Variants in SYNC observed in about 807,000 individuals in gnomAD.
SYNC encodes syncoilin.
A neutral mutation model predicts 49.5 loss-of-function variants in SYNC; 38 were observed. The ratio of observed to expected loss-of-function variants is 0.77; its 90% confidence interval spans 0.59 to 1.01. The LOEUF is 1.01. SYNC is among the 50% of genes least tolerant of loss of function. The probability of loss-of-function intolerance (pLI) is 0.00; values close to 1 mark genes in which losing one functional copy is unlikely to be tolerated. For missense variants in SYNC, 579 were observed against 580.6 expected, an observed-to-expected ratio of 1.00 and a Z score of 0.03; for synonymous variants, 201 against 230.8, an observed-to-expected ratio of 0.87 and a Z score of 1.17.
At chr1:32,691,416 G>A (rs1650159165) in intron 2 of SYNC, among the ~76,000 whole-genome samples, 1 of 151,642 alleles carries the variant, frequency 6.6e-6, no homozygotes, top group South Asian at 2.1e-4. Context: ...CCACGTCCAT[G>A]GTGTTAGGCG....
Position 32,695,788 on chromosome 1 carries a change from C to G in SYNC, c.310G>C (p.Glu104Gln), listed in dbSNP as rs887315806. 1.0e-5 allele frequency: 16 copies of G among 1,551,642 alleles called. No individual in the cohort carries two copies. The highest frequency in any genetic ancestry group is 1.3e-5 in the Non-Finnish European group (15 of 1,147,026). Reference sequence around the variant, plus strand: ...GTTTCCTCCACACACACTGTCTCCTCTGGATTCCCAGGCTCCTCCACATGC... The same window carrying G: ...GTTTCCTCCACACACACTGTCTCCTGTGGATTCCCAGGCTCCTCCACATGC... ...ALHVEEPGNPEETVCVEETTE... is the reference protein window; with the variant it reads ...ALHVEEPGNPQETVCVEETTE... Residue 104 changes from glutamate (E) to glutamine (Q), a missense_variant, in exon 2 of 5, where the codon GAG becomes CAG. Coordinates refer to ENST00000409190, the MANE Select transcript of SYNC (RefSeq NM_030786.3).
rs367968995 is a variant in SYNC at position 32,702,535 on chromosome 1, G to C, written c.53+73C>G. Reference sequence around the variant, plus strand: ...AGACAGGCGAAAGACGCCCGCGGTCGGGGGGAAAGGGAACCCGTCCAGCAG... The same window carrying C: ...AGACAGGCGAAAGACGCCCGCGGTCCGGGGGAAAGGGAACCCGTCCAGCAG... On this transcript the variant is annotated intron_variant, in intron 1 of 4. Coordinates refer to ENST00000409190, the MANE Select transcript of SYNC (RefSeq NM_030786.3). The surrounding 1 kb of genome is among the most constrained non-coding windows in gnomAD (Gnocchi z 6.2). The C allele has an allele frequency of 3.4e-6, 4 of 1,191,286 alleles. No homozygotes were observed. In the East Asian group the frequency reaches 1.0e-4, roughly 30 times the overall value. 73.8% of individuals were successfully genotyped at this position (1,191,286 alleles called of 1,614,324 possible).
At chr1:32,681,956 G>A in intron 4 of SYNC, 96 bp from the exon 5 acceptor site, 1 of 1,084,180 alleles carries the variant, frequency 9.2e-7, no homozygotes, top group Admixed American at 1.9e-5. Context: ...GTGATTTATG[G>A]ATGATCAGGG....
At chr1:32,682,023 G>GTGA in intron 4 of SYNC, 163 bp from the exon 5 acceptor site, 1 of 623,978 alleles carries the variant, frequency 1.6e-6, no homozygotes, top group Non-Finnish European at 2.9e-6. Flanking sequence ...AGAATGAATG[G>GTGA]TGATGGTGAT....
At chr1:32,692,433 G>A (rs1242705600) in intron 2 of SYNC, among the ~76,000 whole-genome samples, 1 of 152,104 alleles carries the variant, frequency 6.6e-6, no homozygotes, top group African/African-American at 2.4e-5. Context: ...TAGGGTAAGG[G>A]GAATATGAAG....
At chr1:32,694,248 A>G (rs1328570564) in intron 2 of SYNC, among the ~76,000 whole-genome samples, 1 of 152,024 alleles carries the variant, frequency 6.6e-6, no homozygotes, top group East Asian at 1.9e-4. Context: ...GGTCCCAGCT[A>G]CTCAAGAGGC....
In SYNC at chr1:32,694,653, C is replaced by CAAA. The variant is rs112953442; in HGVS notation, c.1233+209_1233+211dup. ...TGGGCGACAGAGCGAGACTCCATCTCAAAAAAAAAAAAACAAAAAACAGTG... is the reference window on the plus strand; with the variant it reads ...TGGGCGACAGAGCGAGACTCCATCTCAAAAAAAAAAAAAAAACAAAAAACAGTG... On this transcript the variant is annotated intron_variant, in intron 2 of 4. Transcript: ENST00000409190. Among the ~76,000 whole-genome samples the CAAA allele has an allele frequency of 2.5e-3, 299 of 118,852 alleles. 2 individuals carry two copies. Among genetic ancestry groups the CAAA allele is most frequent in the African/African-American group, 8.7e-3 (283 of 32,588 alleles). The allele number at this position is 118,852 out of a possible 152,430, so 78.0% of individuals were successfully genotyped here.
At chr1:32,688,568 A>G (rs186829147) in intron 2 of SYNC, among the ~76,000 whole-genome samples, 5 of 152,290 alleles carry the variant, frequency 3.3e-5, no homozygotes, top group African/African-American at 1.2e-4. Context: ...GATTTTACGA[A>G]ATACATTCAT....
At chr1:32,682,093 G>T (rs746467732) in intron 4 of SYNC, 17 of 510,202 alleles carry the variant, frequency 3.3e-5, no homozygotes, top group Non-Finnish European at 4.5e-5. Context: ...TAATTACAAT[G>T]CCTGAAATTC....
chr1:32,698,875 G>A (rs1004387541), intron 1 of SYNC, among the ~76,000 whole-genome samples: 7 of 149,904 alleles, frequency 4.7e-5, no homozygotes, highest in Non-Finnish European at 7.4e-5. Context: ...CAACCTCCCC[G>A]GCTCAAGCCA....
At position 32,695,764 on chromosome 1, in the gene SYNC, T is replaced by C. The variant is rs1367860883; in HGVS notation, c.334A>G (p.Thr112Ala). ...AACTGTATCCGATCTGGCTCCGTGG[T>C]TTCCTCCACACACACTGTCTCCTCT... ...NPEETVCVEE[T>A]TEPDRIQFVE... The change falls in exon 2 of 5, where the codon ACC becomes GCC. Residue 112 changes from threonine (T) to alanine (A), a missense_variant. Physicochemically the swap from Thr to Ala is moderately conservative, Grantham distance 58. Coordinates refer to ENST00000409190, the MANE Select transcript of SYNC (RefSeq NM_030786.3). 6.4e-7 allele frequency: 1 copy of C among 1,551,592 alleles called. No individual in the cohort carries two copies. The highest frequency in any genetic ancestry group is 2.0e-5 in the Admixed American group (1 of 50,952).
In SYNC at chr1:32,680,593, G is replaced by C; in HGVS notation, c.*1257C>G. 6.8e-7 allele frequency: 1 copy of C among 1,469,408 alleles called. No homozygotes were observed. The highest frequency in any genetic ancestry group is 9.3e-7 in the Non-Finnish European group (1 of 1,077,032). 91.0% of individuals were successfully genotyped at this position (1,469,408 alleles called of 1,614,324 possible). On this transcript the variant is annotated 3_prime_UTR_variant, in exon 5 of 5. Coordinates refer to ENST00000409190, the MANE Select transcript of SYNC (RefSeq NM_030786.3). ...GGTGACCTGTTTCACCAGCAGGCCT[G>C]TTACTCTCCATGACTAACTGTGTAA...
intron 2 of SYNC, among the ~76,000 whole-genome samples, chr1:32,692,336 ATGTC>A (rs1650206503): frequency 1.3e-5 from 2 of 152,246 alleles, no homozygotes; most frequent in African/African-American, 4.8e-5. Context: ...TATTAATGTA[ATGTC>A]TGTCTGAGTA....
Position 32,702,007 on chromosome 1 carries a change from C to G in SYNC, c.53+601G>C, listed in dbSNP as rs1321626364. ...CACCTCTTGGTACACTGGGAAGTCC[C>G]AGAGCCACAGTATGACCTGGGACAG... On this transcript the variant is annotated intron_variant, in intron 1 of 4. Coordinates refer to ENST00000409190, the MANE Select transcript of SYNC (RefSeq NM_030786.3). The surrounding 1 kb of genome is among the most constrained non-coding windows in gnomAD (Gnocchi z 6.2). Among the ~76,000 whole-genome samples the G allele has an allele frequency of 6.6e-6, 1 of 152,198 alleles. No individual in the cohort carries two copies. Among genetic ancestry groups the G allele is most frequent in the Non-Finnish European group, 1.5e-5 (1 of 68,042 alleles).
Position 32,684,005 on chromosome 1 carries a change from A to G in SYNC, c.1438+5T>C, listed in dbSNP as rs1186729578. On this transcript the variant is annotated splice_donor_5th_base_variant and intron_variant, in intron 4 of 4. Coordinates refer to ENST00000409190, the MANE Select transcript of SYNC (RefSeq NM_030786.3). ...AAACACCACTCTTCTCTTCACAAAG[A>G]TCACCTTGAGACTGTGTCTCCATTC... The G allele has an allele frequency of 6.2e-7, 1 of 1,613,478 alleles. No homozygotes were observed. Among genetic ancestry groups the G allele is most frequent in the Non-Finnish European group, 8.5e-7 (1 of 1,179,564 alleles).
intron 2 of SYNC, among the ~76,000 whole-genome samples, chr1:32,689,939 CAAAA>C (rs11320062): frequency 1.2e-4 from 12 of 100,624 alleles, no homozygotes; most frequent in African/African-American, 3.9e-4. Context: ...GACACCGTCA[CAAAA>C]AAAAAAAAAA....
intron 2 of SYNC, among the ~76,000 whole-genome samples, chr1:32,689,935 G>C (rs1281312658): frequency 3.1e-5 from 2 of 65,054 alleles, no homozygotes; most frequent in African/African-American, 8.5e-5. Context: ...GTGAGACACC[G>C]TCACAAAAAA....
intron 2 of SYNC, among the ~76,000 whole-genome samples, chr1:32,689,235 C>CTTGTTTTTTTTTT (rs1650041724): frequency 2.4e-5 from 1 of 41,520 alleles, no homozygotes; most frequent in African/African-American, 6.8e-5. Flanking sequence ...CTCGCCTGGC[C>CTTGTTTTTTTTTT]TTTTTTTTTT....
intron 2 of SYNC, among the ~76,000 whole-genome samples, chr1:32,689,922 A>G (rs1650076000): frequency 7.0e-6 from 1 of 142,876 alleles, no homozygotes; most frequent in Non-Finnish European, 1.5e-5. Flanking sequence ...GCCTAGCAAC[A>G]GAGTGAGACA....
Sources: gnomAD v4.1 joint callset for allele counts (sites outside exome capture counted in the v4.1 genomes callset) on GRCh38, gnomAD v4.1.1 for gene constraint, Gnocchi (gnomAD v3.1) non-coding constraint, MANE v1.5 for transcripts, NCBI Gene and HGNC (gene_info 2026-07-23, HGNC 2026-07-21) for gene names.